The following PRDM5 variants were observed in gnomAD, a reference collection of about 807,000 sequenced individuals.
PRDM5 encodes the protein PR domain zinc finger protein 5.
A neutral mutation model predicts 81.2 loss-of-function variants in PRDM5; 56 were observed. The ratio of observed to expected loss-of-function variants is 0.69; its 90% confidence interval spans 0.56 to 0.86. The LOEUF is 0.86. Ranked by LOEUF, PRDM5 falls within the 40% of genes least tolerant of loss-of-function variation. PRDM5 has a pLI of 0.00. For missense variants in PRDM5, 697 were observed against 770.1 expected, an observed-to-expected ratio of 0.91 and a Z score of 1.12; for synonymous variants, 267 against 256.4, an observed-to-expected ratio of 1.04 and a Z score of -0.39.
intron 7 of PRDM5, among the ~76,000 whole-genome samples, chr4:120,813,802 T>C (rs1286840726): frequency 6.6e-6 from 1 of 152,188 alleles, no homozygotes; most frequent in African/African-American, 2.4e-5. Flanking sequence ...AATCCTTTAT[T>C]GCCCTGTCCT....
At chr4:120,703,365 T>C (rs952122732) in intron 15 of PRDM5, among the ~76,000 whole-genome samples, 1 of 152,052 alleles carries the variant, frequency 6.6e-6, no homozygotes, top group African/African-American at 2.4e-5. Flanking sequence ...TTTATTTTTG[T>C]TTTTTGTAAA....
At chr4:120,906,811 T>C (rs1392595385) in intron 2 of PRDM5, among the ~76,000 whole-genome samples, 1 of 152,168 alleles carries the variant, frequency 6.6e-6, no homozygotes, top group South Asian at 2.1e-4. Flanking sequence ...TTTGTTTCTA[T>C]ACAATTAGAA....
At chr4:120,917,524 A>G (rs1166858123) in intron 1 of PRDM5, among the ~76,000 whole-genome samples, 2 of 152,090 alleles carry the variant, frequency 1.3e-5, no homozygotes, top group African/African-American at 4.8e-5. Flanking sequence ...GCTCCCCAAG[A>G]GCCAGAATAC....
intron 13 of PRDM5, among the ~76,000 whole-genome samples, chr4:120,774,575 C>T (rs377159366): frequency 2.0e-5 from 3 of 152,254 alleles, no homozygotes; most frequent in South Asian, 2.1e-4. Context: ...AAAAGGGAAG[C>T]GAAAGCATCA....
At chr4:120,750,054 A>G (rs2149138708) in intron 14 of PRDM5, among the ~76,000 whole-genome samples, 1 of 121,570 alleles carries the variant, frequency 8.2e-6, no homozygotes, top group Admixed American at 9.2e-5. Context: ...CACCAGACAC[A>G]TGTGCCTATA....
chr4:120,698,125 GA>G (rs2148991530), intron 15 of PRDM5, among the ~76,000 whole-genome samples: 1 of 151,694 alleles, frequency 6.6e-6, no homozygotes, highest in East Asian at 1.9e-4. Flanking sequence ...ATTTTGGAAT[GA>G]AAAAATGCAG....
intron 1 of PRDM5, among the ~76,000 whole-genome samples, chr4:120,910,207 C>A (rs530137876): frequency 4.6e-5 from 7 of 152,112 alleles, no homozygotes; most frequent in Non-Finnish European, 7.4e-5. Context: ...GATGACATTT[C>A]TTCAAAGTAC....
At chr4:120,759,777 C>T (rs1745328900) in intron 13 of PRDM5, among the ~76,000 whole-genome samples, 1 of 152,158 alleles carries the variant, frequency 6.6e-6, no homozygotes, top group African/African-American at 2.4e-5. Flanking sequence ...TATTTAGACA[C>T]TATCTTTATT....
chr4:120,694,188 G>T lies in PRDM5; in HGVS notation c.*923C>A, dbSNP rs1354345013. 6.6e-6 allele frequency: 1 copy of T among 152,096 alleles called. No individual in the cohort carries two copies. Among genetic ancestry groups the T allele is most frequent in the Non-Finnish European group, 1.5e-5 (1 of 67,996 alleles). 9.4% of individuals were successfully genotyped at this position (152,096 alleles called of 1,614,324 possible). ...TGTGCACTTTTATGGAAGGAGAGGGGAAAGGGCTATGTTCATCCTAACAAA... is the reference window on the plus strand; with the variant it reads ...TGTGCACTTTTATGGAAGGAGAGGGTAAAGGGCTATGTTCATCCTAACAAA... On this transcript the variant is annotated 3_prime_UTR_variant, in exon 16 of 16. Coordinates refer to ENST00000264808, the MANE Select transcript of PRDM5 (RefSeq NM_018699.4).
At chr4:120,861,817 A>G (rs2148501011) in intron 2 of PRDM5, among the ~76,000 whole-genome samples, 1 of 151,918 alleles carries the variant, frequency 6.6e-6, no homozygotes, top group East Asian at 1.9e-4. Context: ...AGAAAAAACA[A>G]AAAAAAAGGA....
chr4:120,690,532 A>G (rs1225119235), downstream of PRDM5, among the ~76,000 whole-genome samples: 1 of 152,152 alleles, frequency 6.6e-6, no homozygotes, highest in Non-Finnish European at 1.5e-5. Context: ...TAATCACAGA[A>G]AAGTTTTCAG....
In PRDM5 at chr4:120,694,876, A is replaced by G. The variant is rs1259335869; in HGVS notation, c.*235T>C. 1.8e-5 allele frequency: 9 copies of G among 505,528 alleles called. No homozygotes were observed. In the East Asian group the frequency reaches 2.8e-4, roughly 16 times the overall value. The allele number at this position is 505,528 out of a possible 1,614,324, so 31.3% of individuals were successfully genotyped here. On this transcript the variant is annotated 3_prime_UTR_variant, in exon 16 of 16. Transcript: ENST00000264808. Reference sequence around the variant, plus strand: ...CTCCATTTTTATAAGACAGAGCACAAGTTGCATTTTGCAAGGCTATGGAGT... The same window carrying G: ...CTCCATTTTTATAAGACAGAGCACAGGTTGCATTTTGCAAGGCTATGGAGT...
chr4:120,823,169 C>T (rs1004089579), intron 3 of PRDM5, among the ~76,000 whole-genome samples: 2 of 151,896 alleles, frequency 1.3e-5, no homozygotes, highest in East Asian at 1.9e-4. Flanking sequence ...TTAATTGAAC[C>T]GTCATCCTAG....
intron 15 of PRDM5, among the ~76,000 whole-genome samples, chr4:120,708,761 GA>G (rs1432395507): frequency 1.3e-5 from 2 of 152,232 alleles, no homozygotes; most frequent in African/African-American, 4.8e-5. Flanking sequence ...AAGTAGAAAT[GA>G]AAACTAAGAG....
chr4:120,884,272 C>T (rs913988350), intron 2 of PRDM5, among the ~76,000 whole-genome samples: 1 of 152,120 alleles, frequency 6.6e-6, no homozygotes, highest in South Asian at 2.1e-4. Context: ...TAATTTTTTA[C>T]ATCATGTGTG....
chr4:120,728,634 T>C (rs1739793874), intron 14 of PRDM5, among the ~76,000 whole-genome samples: 1 of 152,192 alleles, frequency 6.6e-6, no homozygotes, highest in African/African-American at 2.4e-5. Context: ...TACCAATTAT[T>C]ACCCTCCACT....
At chr4:120,701,677 G>A (rs996921002) in intron 15 of PRDM5, among the ~76,000 whole-genome samples, 1 of 152,102 alleles carries the variant, frequency 6.6e-6, no homozygotes, top group Non-Finnish European at 1.5e-5. Flanking sequence ...GAGCAGAGAA[G>A]GAGGGGAGGA....
chr4:120,794,526 C>CACACACACTCCAAAATCTA (rs1192019758), intron 10 of PRDM5, among the ~76,000 whole-genome samples: 4 of 89,444 alleles, frequency 4.5e-5, no homozygotes, highest in Non-Finnish European at 1.1e-4. Flanking sequence ...CACACACACA[C>CACACACACTCCAAAATCTA]ACACACACAC....
chr4:120,818,576 A>G (rs1348602352), intron 4 of PRDM5, 49 bp from the exon 5 acceptor site: 1 of 1,498,910 alleles, frequency 6.7e-7, no homozygotes, highest in Admixed American at 1.7e-5. Flanking sequence ...TTCAGAGCCA[A>G]GAAATGCTCA....
Sources: allele counts gnomAD v4.1 joint callset (sites outside exome capture counted in the v4.1 genomes callset), GRCh38; gene constraint gnomAD v4.1.1; transcripts MANE v1.5; gene names NCBI Gene and HGNC (gene_info 2026-07-23, HGNC 2026-07-21).